The following CSMD2 variants were observed in gnomAD, a reference collection of about 807,000 sequenced individuals.
The protein encoded by CSMD2 is CUB and sushi domain-containing protein 2.
Under a neutral mutation model 398.5 loss-of-function variants are expected in CSMD2, and 130 were observed. The observed-to-expected ratio is 0.33, with a 90% CI of 0.28 to 0.38. The LOEUF is 0.38. CSMD2 is among the 10% of genes least tolerant of loss of function. The pLI is 1.00. For missense variants in CSMD2, 3,829 were observed against 4,764.9 expected (o/e 0.80, Z 5.78); for synonymous variants, 1,828 against 1,908.5 (o/e 0.96, Z 1.10).
intron 1 of CSMD2, among the ~76,000 whole-genome samples, chr1:34,105,218 A>G (rs1660414952): frequency 6.6e-6 from 1 of 152,188 alleles, no homozygotes; most frequent in Non-Finnish European, 1.5e-5. Context: ...CCTCAACACT[A>G]TCAACATTTT....
Position 33,519,729 on chromosome 1 carries a change from G to A in CSMD2, c.10737-52C>T, listed in dbSNP as rs574800074. ...GGCATGAAAAGAGCGACACAGAGAGGCTTAGGGGTCTGGTGCGGGGGGCCC... is the reference window on the plus strand; with the variant it reads ...GGCATGAAAAGAGCGACACAGAGAGACTTAGGGGTCTGGTGCGGGGGGCCC... On this transcript the variant is annotated intron_variant, in intron 69 of 70. Transcript: ENST00000373381. This position sits in a 1 kb window ranked among gnomAD's most constrained non-coding sequence, Gnocchi z 5.6. The A allele has an allele frequency of 1.3e-5, 21 of 1,613,376 alleles. No homozygotes were observed. The Admixed American group carries it at 1.8e-4, about 14-fold the overall frequency.
chr1:33,958,427 G>A (rs547284744), intron 3 of CSMD2, among the ~76,000 whole-genome samples: 17 of 152,280 alleles, frequency 1.1e-4, no homozygotes, highest in Admixed American at 3.3e-4. Context: ...AATAGGACCC[G>A]TAGAGATGAT....
At chr1:33,721,404 G>T (rs1646354898) in intron 19 of CSMD2, among the ~76,000 whole-genome samples, 1 of 152,184 alleles carries the variant, frequency 6.6e-6, no homozygotes, top group Non-Finnish European at 1.5e-5. Context: ...TGGTGAGCTT[G>T]ATTGACTTCC....
intron 6 of CSMD2, among the ~76,000 whole-genome samples, chr1:33,835,923 G>T (rs1302535347): frequency 1.3e-5 from 2 of 152,146 alleles, no homozygotes. Context: ...TGTTCCTTTG[G>T]AGGAGGAGAG....
intron 1 of CSMD2, among the ~76,000 whole-genome samples, chr1:34,158,785 C>T (rs924635880): frequency 6.6e-6 from 1 of 152,206 alleles, no homozygotes; most frequent in Admixed American, 6.5e-5. Flanking sequence ...GGTTTAATCC[C>T]GCCTTCTTTA....
chr1:34,092,510 C>A (rs1031075795), intron 1 of CSMD2, among the ~76,000 whole-genome samples: 2 of 152,150 alleles, frequency 1.3e-5, no homozygotes, highest in Non-Finnish European at 2.9e-5. Context: ...GTTCATCTCA[C>A]TAGGGAGAGC....
chr1:33,707,567 T>C (rs947110792), intron 22 of CSMD2, among the ~76,000 whole-genome samples: 1 of 152,214 alleles, frequency 6.6e-6, no homozygotes, highest in African/African-American at 2.4e-5. Context: ...ATGAGATTGT[T>C]CTATCCCATT....
At chr1:33,551,142 G>C (rs1472489178) in intron 55 of CSMD2, among the ~76,000 whole-genome samples, 2 of 152,206 alleles carry the variant, frequency 1.3e-5, no homozygotes, top group Non-Finnish European at 2.9e-5. Context: ...GTTGGGGATG[G>C]AACATCAGGT....
chr1:33,628,668 C>CAAAA (rs35461345), intron 32 of CSMD2, among the ~76,000 whole-genome samples: 1 of 83,996 alleles, frequency 1.2e-5, no homozygotes, highest in Non-Finnish European at 2.8e-5. Context: ...GACTCTGTCT[C>CAAAA]AAAAAAAAAA....
At chr1:33,810,317 T>G (rs1656713001) in intron 10 of CSMD2, among the ~76,000 whole-genome samples, 2 of 152,184 alleles carry the variant, frequency 1.3e-5, no homozygotes, top group Non-Finnish European at 2.9e-5. Flanking sequence ...ACATACATGA[T>G]TACATTTATA....
intron 3 of CSMD2, among the ~76,000 whole-genome samples, chr1:33,966,996 A>T (rs1158161298): frequency 6.6e-6 from 1 of 152,212 alleles, no homozygotes; most frequent in Non-Finnish European, 1.5e-5. Flanking sequence ...AACATTTCGC[A>T]AACGTTTTCC....
chr1:34,001,770 T>A (rs2148034630), intron 3 of CSMD2, among the ~76,000 whole-genome samples: 1 of 152,294 alleles, frequency 6.6e-6, no homozygotes, highest in Middle Eastern at 3.4e-3. Flanking sequence ...CAGAATGGAA[T>A]ATAAATGTTA....
chr1:33,556,694 A>G (rs779849741), intron 55 of CSMD2, among the ~76,000 whole-genome samples: 1 of 152,224 alleles, frequency 6.6e-6, no homozygotes, highest in African/African-American at 2.4e-5. Context: ...TGTAGTTCCC[A>G]TAATCTCCAC....
intron 15 of CSMD2, among the ~76,000 whole-genome samples, chr1:33,734,589 A>G (rs960489653): frequency 1.3e-5 from 2 of 152,154 alleles, no homozygotes; most frequent in Admixed American, 1.3e-4. Context: ...GTTTGAGACC[A>G]GTCTGGCCAA....
At chr1:33,789,896 G>A (rs1654023907) in intron 11 of CSMD2, among the ~76,000 whole-genome samples, 1 of 152,202 alleles carries the variant, frequency 6.6e-6, no homozygotes, top group Non-Finnish European at 1.5e-5. Flanking sequence ...CCCAATTACA[G>A]CACCAGGCTC....
intron 25 of CSMD2, among the ~76,000 whole-genome samples, chr1:33,691,964 C>T (rs1325123753): frequency 1.3e-5 from 2 of 152,104 alleles, no homozygotes; most frequent in African/African-American, 4.8e-5. Flanking sequence ...CTCAAGGCCC[C>T]GTTTTGCCAG....
rs778609753 is a variant in CSMD2, at chr1:33,743,412, C to T, written c.2041G>A (p.Glu681Lys). The T allele has an allele frequency of 9.9e-6, 16 of 1,614,074 alleles. No individual in the cohort carries two copies. The highest frequency in any genetic ancestry group is 4.0e-5 in the African/African-American group (3 of 74,928). Residue 681 changes from glutamate (E) to lysine (K), a missense_variant, in exon 14 of 71, where the codon GAG becomes AAG. Glu to Lys is a moderately conservative substitution (Grantham distance 56, BLOSUM62 1). Coordinates refer to ENST00000373381, the MANE Select transcript of CSMD2 (RefSeq NM_001281956.2). ...FLVIKDGATA[E>K]APVLGTFSGN... is the part of the protein sequence containing the mutation. ...GAGAAGGTGCCCAGGACGGGCGCCT[C>T]GGCGGTGGCCCCATCCTTGATGACC...
chr1:33,740,731 T>C (rs1209054051), intron 14 of CSMD2, among the ~76,000 whole-genome samples: 1 of 152,150 alleles, frequency 6.6e-6, no homozygotes, highest in Non-Finnish European at 1.5e-5. Context: ...AAATGATGCT[T>C]GGGGCCCAGA....
chr1:33,927,159 T>C (rs933637402), intron 4 of CSMD2, among the ~76,000 whole-genome samples: 2 of 152,168 alleles, frequency 1.3e-5, no homozygotes, highest in Non-Finnish European at 2.9e-5. Context: ...CACCCCCTTT[T>C]CTTGTGGTGA....
Sources: gnomAD v4.1 joint callset for allele counts (sites outside exome capture counted in the v4.1 genomes callset) on GRCh38, gnomAD v4.1.1 for gene constraint, Gnocchi (gnomAD v3.1) non-coding constraint, MANE v1.5 for transcripts, NCBI Gene and HGNC (gene_info 2026-07-23, HGNC 2026-07-21) for gene names.